GRID2: variants seen among roughly 807,000 people sequenced by gnomAD.
GRID2 encodes the protein glutamate ionotropic receptor delta type subunit 2, also known as glutamate receptor ionotropic, delta-2.
GRID2 carries 33 observed loss-of-function variants against 114.8 expected under a neutral mutation model. The observed-to-expected ratio is 0.29, with a 90% CI of 0.22 to 0.38. The LOEUF (loss-of-function observed/expected upper bound fraction) is 0.38. GRID2 is among the 10% of genes least tolerant of loss of function. The probability of loss-of-function intolerance (pLI) is 1.00; values close to 1 mark genes in which losing one functional copy is unlikely to be tolerated. For missense variants in GRID2, 1,184 were observed against 1,257.7 expected (o/e 0.94, Z 0.89); for synonymous variants, 505 against 449.9 (o/e 1.12, Z -1.55).
intron 7 of GRID2, among the ~76,000 whole-genome samples, chr4:93,231,552 A>C (rs1466860444): frequency 3.3e-5 from 5 of 152,090 alleles, no homozygotes; most frequent in Admixed American, 3.3e-4. Flanking sequence ...GTACATACTG[A>C]GATACTTGCT....
chr4:93,151,337 C>T (rs941522237), intron 4 of GRID2, among the ~76,000 whole-genome samples: 2 of 151,904 alleles, frequency 1.3e-5, no homozygotes, highest in Non-Finnish European at 1.5e-5. Context: ...AAAACAGGTG[C>T]TTCTATCTGC....
chr4:92,631,568 A>G (rs562235359), intron 2 of GRID2, among the ~76,000 whole-genome samples: 45 of 152,200 alleles, frequency 3.0e-4, no homozygotes, highest in Admixed American at 8.5e-4. Context: ...ATTTTTTTAA[A>G]TTAGAAATCC....
intron 14 of GRID2, among the ~76,000 whole-genome samples, chr4:93,725,140 C>T (rs9997938): frequency 2.7e-4 from 41 of 151,998 alleles, no homozygotes; most frequent in Admixed American, 2.7e-3. Flanking sequence ...CCCCTCCCCC[C>T]ACCAAACAAC....
intron 1 of GRID2, among the ~76,000 whole-genome samples, chr4:92,375,705 C>T (rs1729323685): frequency 6.6e-6 from 1 of 152,086 alleles, no homozygotes; most frequent in Admixed American, 6.6e-5. Flanking sequence ...ATTCAATCTT[C>T]TCTTCTTCCT....
chr4:93,395,897 CTT>C, intron 9 of GRID2, among the ~76,000 whole-genome samples, 189 bp downstream of exon 9: 1 of 152,026 alleles, frequency 6.6e-6, no homozygotes, highest in East Asian at 1.9e-4. Context: ...GTTTTGCAGA[CTT>C]TTAACTACAG....
chr4:92,928,794 C>T (rs1378557784), intron 2 of GRID2, among the ~76,000 whole-genome samples: 1 of 151,544 alleles, frequency 6.6e-6, no homozygotes, highest in Non-Finnish European at 1.5e-5. Flanking sequence ...GGCAAAATTT[C>T]TAGTGATTTT....
intron 13 of GRID2, among the ~76,000 whole-genome samples, chr4:93,583,616 A>G (rs1737213799): frequency 1.3e-5 from 2 of 152,166 alleles, no homozygotes; most frequent in South Asian, 2.1e-4. Context: ...CTGAAGTTCA[A>G]AAAGGCTCAG....
intron 1 of GRID2, among the ~76,000 whole-genome samples, chr4:92,532,527 C>T (rs1725403557): frequency 6.6e-6 from 1 of 152,012 alleles, no homozygotes; most frequent in South Asian, 2.1e-4. Context: ...TAATCAGAGT[C>T]CCTTTTACAG....
intron 8 of GRID2, among the ~76,000 whole-genome samples, chr4:93,387,829 C>CAAAAAA (rs11453782): frequency 1.0e-5 from 1 of 99,100 alleles, no homozygotes; most frequent in African/African-American, 3.2e-5. Flanking sequence ...GACTCTGTCT[C>CAAAAAA]AAAAAAAAAA....
chr4:93,302,582 G>A (rs917666086), intron 8 of GRID2: 3 of 455,972 alleles, frequency 6.6e-6, no homozygotes, highest in Admixed American at 2.4e-5. Flanking sequence ...TGGAATTACA[G>A]GTAAACTTCA....
chr4:93,791,098 A>T (rs941022556), intron 1 of GRID2, among the ~76,000 whole-genome samples: 16 of 152,220 alleles, frequency 1.1e-4, no homozygotes, highest in African/African-American at 3.4e-4. Flanking sequence ...TTACCTTCCA[A>T]TCCAGTTCTA....
intron 5 of GRID2, among the ~76,000 whole-genome samples, chr4:93,214,416 C>A (rs1331583066): frequency 1.3e-5 from 2 of 151,862 alleles, no homozygotes. Flanking sequence ...CTCGAAATGC[C>A]CCTTTTGAAA....
chr4:93,412,233 C>A (rs528349171), intron 9 of GRID2, among the ~76,000 whole-genome samples: 1 of 150,628 alleles, frequency 6.6e-6, no homozygotes, highest in Non-Finnish European at 1.5e-5. Context: ...GACCCATCCC[C>A]CCCCCCCAAA....
At chr4:93,179,679 T>A (rs1038812163) in intron 4 of GRID2, among the ~76,000 whole-genome samples, 2 of 152,180 alleles carry the variant, frequency 1.3e-5, no homozygotes, top group African/African-American at 4.8e-5. Context: ...TGGTAAGAAC[T>A]ATTATGATCC....
chr4:93,679,839 T>G (rs1363507690), intron 14 of GRID2, among the ~76,000 whole-genome samples: 1 of 150,382 alleles, frequency 6.6e-6, no homozygotes, highest in South Asian at 2.1e-4. Flanking sequence ...AGATCCAAAA[T>G]TGACACCCTA....
chr4:93,401,415 AC>A (rs1280861423), intron 9 of GRID2, among the ~76,000 whole-genome samples: 1 of 152,120 alleles, frequency 6.6e-6, no homozygotes, highest in Non-Finnish European at 1.5e-5. Context: ...TGTAATTAGC[AC>A]CATGTTTGTC....
intron 2 of GRID2, among the ~76,000 whole-genome samples, chr4:92,897,701 A>C (rs2149476857): frequency 6.6e-6 from 1 of 152,326 alleles, no homozygotes; most frequent in Admixed American, 6.5e-5. Context: ...TTACTTTATA[A>C]GTTTGGAGAG....
chr4:93,255,750 A>G (rs1212647171), intron 8 of GRID2, among the ~76,000 whole-genome samples: 4 of 152,026 alleles, frequency 2.6e-5, no homozygotes, highest in Non-Finnish European at 4.4e-5. Context: ...GAAAGCCCTC[A>G]CCAGAAAAGA....
intron 2 of GRID2, among the ~76,000 whole-genome samples, chr4:92,806,022 C>T (rs1740393366): frequency 6.6e-6 from 1 of 151,796 alleles, no homozygotes; most frequent in African/African-American, 2.4e-5. Flanking sequence ...CAAATATATA[C>T]AAATTCCCAA....
Sources: gnomAD v4.1 joint callset for allele counts (sites outside exome capture counted in the v4.1 genomes callset) on GRCh38, gnomAD v4.1.1 for gene constraint, MANE v1.5 for transcripts, NCBI Gene and HGNC (gene_info 2026-07-23, HGNC 2026-07-21) for gene names.